Variants in TENM4 observed in about 807,000 individuals in gnomAD.
TENM4 encodes the protein teneurin transmembrane protein 4.
A neutral mutation model predicts 243.3 loss-of-function variants in TENM4; 82 were observed. The ratio of observed to expected loss-of-function variants is 0.34; its 90% CI spans 0.28 to 0.40. The LOEUF (loss-of-function observed/expected upper bound fraction) is 0.40, where lower values mean the gene tolerates loss of function less well. TENM4 is among the 10% of genes least tolerant of loss of function. The pLI, the probability that TENM4 is intolerant of heterozygous loss-of-function variation, is 1.00. For synonymous variants in TENM4, 1,412 were observed against 1,456.3 expected, an observed-to-expected ratio of 0.97 and a Z score of 0.69; for missense variants, 3,138 against 3,673.3, an observed-to-expected ratio of 0.85 and a Z score of 3.77.
At chr11:78,922,330 C>T (rs1312948681) in intron 6 of TENM4, among the ~76,000 whole-genome samples, 2 of 152,188 alleles carry the variant, frequency 1.3e-5, no homozygotes, top group Non-Finnish European at 2.9e-5. Flanking sequence ...TTAAGCCTTG[C>T]CCTCATGATG....
intron 4 of TENM4, among the ~76,000 whole-genome samples, chr11:79,111,592 C>T (rs926446267): frequency 1.3e-5 from 2 of 152,144 alleles, no homozygotes; most frequent in African/African-American, 4.8e-5. Context: ...CAAAACCCCT[C>T]TTTTTCTTTA....
chr11:79,128,004 G>A (rs1326024607), intron 4 of TENM4, among the ~76,000 whole-genome samples: 1 of 152,158 alleles, frequency 6.6e-6, no homozygotes, highest in Non-Finnish European at 1.5e-5. Flanking sequence ...CCCATTTATT[G>A]AGTGACCCAA....
intron 17 of TENM4, among the ~76,000 whole-genome samples, chr11:78,775,500 T>C (rs1040333266): frequency 1.3e-5 from 2 of 152,200 alleles, no homozygotes; most frequent in Non-Finnish European, 2.9e-5. Context: ...ACCCTGAAGA[T>C]CTGCAGTATC....
intron 18 of TENM4, among the ~76,000 whole-genome samples, chr11:78,759,282 C>G (rs1190942520): frequency 6.6e-6 from 1 of 152,222 alleles, no homozygotes; most frequent in Non-Finnish European, 1.5e-5. Context: ...CCCTGTCAGA[C>G]ATTGCTTAAA....
chr11:78,830,750 G>T (rs1006478642), intron 12 of TENM4, among the ~76,000 whole-genome samples: 1 of 152,156 alleles, frequency 6.6e-6, no homozygotes. Flanking sequence ...TTCACACTCA[G>T]CCGCCAGGAC....
intron 2 of TENM4, among the ~76,000 whole-genome samples, chr11:79,243,600 A>C (rs1285518801): frequency 6.6e-6 from 1 of 152,204 alleles, no homozygotes; most frequent in Non-Finnish European, 1.5e-5. Context: ...GCAAGAACAC[A>C]GCCACTGTCT....
At chr11:78,908,664 T>C (rs1267334730) in intron 6 of TENM4, among the ~76,000 whole-genome samples, 2 of 152,228 alleles carry the variant, frequency 1.3e-5, no homozygotes, top group African/African-American at 4.8e-5. Flanking sequence ...CTGATGAGAA[T>C]GGCTGTAGCC....
At chr11:78,872,678 G>A (rs188270487) in intron 9 of TENM4, among the ~76,000 whole-genome samples, 1 of 152,352 alleles carries the variant, frequency 6.6e-6, no homozygotes, top group African/African-American at 2.4e-5. Flanking sequence ...AAAGAGAAAT[G>A]TGTGTTTAGT....
chr11:79,353,828 G>A (rs1857454596), intron 1 of TENM4, among the ~76,000 whole-genome samples: 1 of 151,686 alleles, frequency 6.6e-6, no homozygotes, highest in Non-Finnish European at 1.5e-5. Flanking sequence ...CAGTTGGCCA[G>A]GTTTTGTTTA....
At chr11:79,001,503 G>T in intron 6 of TENM4, among the ~76,000 whole-genome samples, 1 of 152,198 alleles carries the variant, frequency 6.6e-6, no homozygotes, top group South Asian at 2.1e-4. Flanking sequence ...ATGAACACTT[G>T]AGCTGTCAAG....
At chr11:79,215,773 A>G in intron 3 of TENM4, 35 bp downstream of exon 3, 1 of 985,850 alleles carries the variant, frequency 1.0e-6, no homozygotes, top group Middle Eastern at 5.2e-4. Context: ...ATTTGCAGCT[A>G]ATGACAGAAA....
intron 6 of TENM4, among the ~76,000 whole-genome samples, chr11:78,987,859 G>A (rs551988947): frequency 5.0e-4 from 75 of 150,614 alleles, no homozygotes; most frequent in South Asian, 6.2e-4. Flanking sequence ...GAAACTGACG[G>A]TAAGGCAGGT....
At chr11:78,979,190 A>T (rs2136616273) in intron 6 of TENM4, among the ~76,000 whole-genome samples, 1 of 152,236 alleles carries the variant, frequency 6.6e-6, no homozygotes, top group East Asian at 1.9e-4. Flanking sequence ...GAAGAAGGCC[A>T]AGCATCCCTC....
intron 6 of TENM4, among the ~76,000 whole-genome samples, chr11:79,051,621 T>A (rs1436350522): frequency 6.6e-6 from 1 of 152,232 alleles, no homozygotes; most frequent in Non-Finnish European, 1.5e-5. Context: ...CTTTCGAGGC[T>A]TGAATTTCAT....
chr11:79,238,631 C>T (rs1565263700), intron 2 of TENM4, among the ~76,000 whole-genome samples: 2 of 152,114 alleles, frequency 1.3e-5, no homozygotes, highest in Non-Finnish European at 2.9e-5. Flanking sequence ...CTTCCAAGCC[C>T]TCATAATTGC....
intron 25 of TENM4, among the ~76,000 whole-genome samples, chr11:78,714,885 C>A (rs1859488001): frequency 6.6e-6 from 1 of 152,200 alleles, no homozygotes; most frequent in African/African-American, 2.4e-5. Flanking sequence ...TGCATCCATT[C>A]ATTGCTGGAC....
intron 1 of TENM4, among the ~76,000 whole-genome samples, chr11:79,425,090 G>A (rs190905048): frequency 3.3e-5 from 5 of 152,214 alleles, no homozygotes; most frequent in Admixed American, 6.5e-5. Context: ...TCTGAGTGGC[G>A]TACCCTCCTG....
chr11:79,291,052 C>T (rs146974025), intron 2 of TENM4, among the ~76,000 whole-genome samples: 3 of 152,206 alleles, frequency 2.0e-5, no homozygotes, highest in African/African-American at 4.8e-5. Flanking sequence ...TCAGATCTGC[C>T]ACTGCAAGAA....
chr11:79,127,542 C>T (rs542511686), intron 4 of TENM4, among the ~76,000 whole-genome samples: 2 of 152,284 alleles, frequency 1.3e-5, no homozygotes, highest in South Asian at 2.1e-4. Flanking sequence ...TAAGCCCCAA[C>T]AGAAGCAATT....
Sources: gnomAD v4.1 joint callset for allele counts (sites outside exome capture counted in the v4.1 genomes callset) on GRCh38, gnomAD v4.1.1 for gene constraint, MANE v1.5 for transcripts, NCBI Gene and HGNC (gene_info 2026-07-23, HGNC 2026-07-21) for gene names.